Variants in KLRD1 observed in about 807,000 individuals in gnomAD.
KLRD1 encodes natural killer cells antigen CD94.
In KLRD1, 21 loss-of-function variants were observed where a neutral mutation model predicts 22.6. The observed-to-expected ratio is 0.93, with a 90% CI of 0.66 to 1.34. The LOEUF (loss-of-function observed/expected upper bound fraction) is 1.34, where lower values mean the gene tolerates loss of function less well. Ranked by LOEUF, KLRD1 falls within the 40% of genes most tolerant of loss-of-function variation. KLRD1 has a pLI of 0.00. For synonymous variants in KLRD1, 59 were observed against 71.1 expected, an observed-to-expected ratio of 0.83 and a Z score of 0.85; for missense variants, 183 against 208.6, an observed-to-expected ratio of 0.88 and a Z score of 0.76.
At chr12:10,299,714 A>G (rs1949851357), upstream of KLRD1, among the ~76,000 whole-genome samples, 1 of 152,154 alleles carries the variant, frequency 6.6e-6, no homozygotes, top group African/African-American at 2.4e-5. Context: ...CTTAAAATAA[A>G]AAAATGAATT....
rs572214521 is a variant in KLRD1, at chr12:10,324,877, A to G, written c.*10084A>G. On this transcript the variant is annotated 3_prime_UTR_variant, in exon 6 of 6. Transcript: ENST00000336164. ...ACAGTTGATTCTAAGTGTATCTTTT[A>G]TTGTTTAACCTGCCTAAATTCACTT... is the stretch of plus-strand genomic sequence containing the variant. 16 of 117,008 alleles carry G rather than the reference A, an allele frequency of 1.4e-4. No homozygotes were observed. The highest frequency in any genetic ancestry group is 1.4e-3 in the Admixed American group (13 of 9,608). 7.2% of individuals were successfully genotyped at this position (117,008 alleles called of 1,614,324 possible).
At chr12:10,293,245 C>T (rs1014206221) in intron 1 of KLRD1, among the ~76,000 whole-genome samples, 25 of 139,958 alleles carry the variant, frequency 1.8e-4, no homozygotes, top group African/African-American at 6.5e-4. Context: ...TTGCATTCAC[C>T]ATTTGGCTAA....
At chr12:10,280,098 C>G (rs1339724626) in intron 1 of KLRD1, among the ~76,000 whole-genome samples, 2 of 152,202 alleles carry the variant, frequency 1.3e-5, no homozygotes, top group Admixed American at 1.3e-4. Flanking sequence ...GTTACAATAA[C>G]ATCGGTGGTC....
intron 1 of KLRD1, among the ~76,000 whole-genome samples, chr12:10,250,400 CAA>C (rs959308494): frequency 6.6e-6 from 1 of 152,068 alleles, no homozygotes; most frequent in African/African-American, 2.4e-5. Flanking sequence ...TGTAGCTAGA[CAA>C]AGAGAAGGTT....
chr12:10,253,984 C>T (rs141382430), intron 1 of KLRD1, among the ~76,000 whole-genome samples: 4 of 152,158 alleles, frequency 2.6e-5, no homozygotes, highest in African/African-American at 4.8e-5. Flanking sequence ...ACTATAAAAA[C>T]GCTGGAAAAC....
Position 10,284,624 on chromosome 12 carries a change from A to AT in KLRD1, c.-100-23353dup, listed in dbSNP as rs554218914. Among the ~76,000 whole-genome samples the AT allele has an allele frequency of 3.0e-4, 46 of 152,342 alleles. 2 individuals carry two copies. In the East Asian group the frequency reaches 8.7e-3, roughly 29 times the overall value. ...TGTTAATTCATGTATGTATAAACAC[A>AT]TATATTTTAAAATAAAAACTAATAA... On this transcript the variant is annotated intron_variant, in intron 1 of 5. Coordinates refer to the KLRD1 transcript ENST00000544747.
intron 1 of KLRD1, among the ~76,000 whole-genome samples, chr12:10,247,632 C>A (rs983315039): frequency 6.6e-6 from 1 of 151,984 alleles, no homozygotes; most frequent in African/African-American, 2.4e-5. Context: ...TGTCCCAAAC[C>A]AAATCTCATC....
intron 1 of KLRD1, among the ~76,000 whole-genome samples, chr12:10,254,585 C>T (rs1180467285): frequency 6.6e-6 from 1 of 151,590 alleles, no homozygotes; most frequent in Non-Finnish European, 1.5e-5. Flanking sequence ...AAACAAACAA[C>T]CCCATTAAAA....
intron 3 of KLRD1, among the ~76,000 whole-genome samples, chr12:10,310,821 A>T (rs1950047979): frequency 6.6e-6 from 1 of 152,220 alleles, no homozygotes; most frequent in Admixed American, 6.5e-5. Context: ...ATAGTGCAAC[A>T]TCTTCAGCAC....
intron 1 of KLRD1, among the ~76,000 whole-genome samples, chr12:10,248,530 T>TTTTCTTCC (rs1949313749): frequency 2.1e-5 from 2 of 96,586 alleles, no homozygotes; most frequent in East Asian, 3.1e-4. Flanking sequence ...TGTATTTTCT[T>TTTTCTTCC]TTCCTTCCTT....
chr12:10,307,943 T>C lies in KLRD1; in HGVS notation c.-135T>C. ...TTTAAATACACAATTTTTCATTCTCTATTTTTGCTAAATTTCTTCATACTC... is the reference window on the plus strand; with the variant it reads ...TTTAAATACACAATTTTTCATTCTCCATTTTTGCTAAATTTCTTCATACTC... On this transcript the variant is annotated 5_prime_UTR_variant, in exon 1 of 6. Coordinates refer to ENST00000336164, the MANE Select transcript of KLRD1 (RefSeq NM_002262.5). The C allele has an allele frequency of 1.3e-6, 1 of 771,786 alleles. No homozygotes were observed. The highest frequency in any genetic ancestry group is 2.2e-6 in the Non-Finnish European group (1 of 449,810). 47.8% of individuals were successfully genotyped at this position (771,786 alleles called of 1,614,324 possible).
chr12:10,291,415 C>G (rs1225763992), intron 1 of KLRD1, among the ~76,000 whole-genome samples: 1 of 152,182 alleles, frequency 6.6e-6, no homozygotes, highest in Non-Finnish European at 1.5e-5. Flanking sequence ...AAATTGGAAT[C>G]AATCCTTTCA....
intron 1 of KLRD1, among the ~76,000 whole-genome samples, chr12:10,261,564 C>T (rs915347423): frequency 3.3e-5 from 5 of 152,000 alleles, no homozygotes; most frequent in African/African-American, 1.2e-4. Flanking sequence ...GGTAGAAAAA[C>T]GTAAATCTGC....
At chr12:10,272,571 T>C (rs1021737019) in intron 1 of KLRD1, among the ~76,000 whole-genome samples, 37 of 152,324 alleles carry the variant, frequency 2.4e-4, no homozygotes, top group Non-Finnish European at 5.1e-4. Context: ...CTGGCGAAGG[T>C]TGAAGATCAT....
chr12:10,309,801 C>T, intron 3 of KLRD1, 113 bp downstream of exon 3: 1 of 749,790 alleles, frequency 1.3e-6, no homozygotes, highest in Non-Finnish European at 2.3e-6. Context: ...AGAAATTTGC[C>T]TACCAGTGTA....
chr12:10,296,528 A>T (rs1326282503), intron 1 of KLRD1, among the ~76,000 whole-genome samples: 1 of 151,846 alleles, frequency 6.6e-6, no homozygotes, highest in Non-Finnish European at 1.5e-5. Context: ...AAATAAAAAT[A>T]AAAAAAACCA....
chr12:10,305,767 A>G (rs1455041092), upstream of KLRD1, among the ~76,000 whole-genome samples: 1 of 152,216 alleles, frequency 6.6e-6, no homozygotes, highest in African/African-American at 2.4e-5. Context: ...AAATATTCCA[A>G]GGGACATAGG....
intron 1 of KLRD1, among the ~76,000 whole-genome samples, chr12:10,264,165 T>C (rs1213205632): frequency 6.6e-6 from 1 of 152,120 alleles, no homozygotes; most frequent in Non-Finnish European, 1.5e-5. Flanking sequence ...TGATTTCTGG[T>C]TCATTTATGC....
chr12:10,322,643 C>G lies in KLRD1; in HGVS notation c.*7850C>G, dbSNP rs1018207910. On this transcript the variant is annotated 3_prime_UTR_variant, in exon 6 of 6. Transcript: ENST00000336164. ...TTTTCTTCACTAATTTTCTCATTTA[C>G]ACTAAATACTTCATTGATTACAGTT... 6.6e-6 allele frequency: 1 copy of G among 152,144 alleles called. No homozygotes were observed. Among genetic ancestry groups the G allele is most frequent in the Non-Finnish European group, 1.5e-5 (1 of 68,028 alleles). 9.4% of individuals were successfully genotyped at this position (152,144 alleles called of 1,614,324 possible). A position where few individuals can be genotyped will look rare whatever the true frequency, so the allele number is the denominator to read the frequency against.
Sources: gnomAD v4.1 joint callset for allele counts (sites outside exome capture counted in the v4.1 genomes callset) on GRCh38, gnomAD v4.1.1 for gene constraint, MANE v1.5 for transcripts, NCBI Gene and HGNC (gene_info 2026-07-23, HGNC 2026-07-21) for gene names.